The following TNS3 variants were observed in gnomAD, a reference collection of about 807,000 sequenced individuals.
The protein encoded by TNS3 is tensin 3.
Under a neutral mutation model 140.9 loss-of-function variants are expected in TNS3, and 45 were observed. That is an observed-to-expected ratio of 0.32 (90% CI 0.25 to 0.41). The LOEUF (loss-of-function observed/expected upper bound fraction) is 0.41, where lower values mean the gene tolerates loss of function less well. TNS3 is among the 10% of genes least tolerant of loss of function. The pLI is 1.00. For synonymous variants in TNS3, 815 were observed against 788.4 expected (o/e 1.03, Z -0.56); for missense variants, 1,716 against 1,906.7 (o/e 0.90, Z 1.86).
intron 27 of TNS3, among the ~76,000 whole-genome samples, chr7:47,285,515 C>T (rs549427788): frequency 1.3e-5 from 2 of 152,294 alleles, no homozygotes; most frequent in Admixed American, 1.3e-4. Flanking sequence ...TGCCTTTGCT[C>T]TTCCTTTGCC....
intron 17 of TNS3, among the ~76,000 whole-genome samples, chr7:47,349,737 C>A (rs1789555283): frequency 6.6e-6 from 1 of 152,188 alleles, no homozygotes; most frequent in African/African-American, 2.4e-5. Flanking sequence ...CAGGAAAAAA[C>A]AGGACAAAAT....
intron 1 of TNS3, among the ~76,000 whole-genome samples, chr7:47,534,888 A>G (rs1370504326): frequency 6.6e-6 from 1 of 152,152 alleles, no homozygotes; most frequent in East Asian, 1.9e-4. Context: ...GAGATGCAAA[A>G]CCGAGATGCA....
chr7:47,439,045 C>T (rs1208460181), intron 6 of TNS3, among the ~76,000 whole-genome samples: 1 of 152,202 alleles, frequency 6.6e-6, no homozygotes, highest in Admixed American at 6.5e-5. Context: ...TTTTGAAAAT[C>T]AAGCTGTCTC....
Position 47,389,181 on chromosome 7 carries a change from A to C in TNS3, c.1024+7619T>G, listed in dbSNP as rs71537779. Among the ~76,000 whole-genome samples the C allele has an allele frequency of 8.9e-5, 12 of 134,396 alleles. 2 individuals carry two copies. The highest frequency in any genetic ancestry group is 2.6e-4 in the South Asian group (1 of 3,842). The allele number at this position is 134,396 out of a possible 152,430, so 88.2% of individuals were successfully genotyped here. On this transcript the variant is annotated intron_variant, in intron 16 of 30. Transcript: ENST00000311160. ...GCAGAAGAAGCAGCAGAAGCAGAAG[A>C]AGCAGAAGAAGAAGAAGAAGAAGAA...
At chr7:47,525,937 C>A (rs1237722852) in intron 2 of TNS3, among the ~76,000 whole-genome samples, 4 of 152,194 alleles carry the variant, frequency 2.6e-5, no homozygotes, top group Admixed American at 2.6e-4. Context: ...CTTCCCTGGC[C>A]CTTCTGAGTG....
chr7:47,541,381 CAG>C (rs1370531949), intron 1 of TNS3, among the ~76,000 whole-genome samples: 1 of 152,132 alleles, frequency 6.6e-6, no homozygotes, highest in African/African-American at 2.4e-5. Context: ...CACACACACA[CAG>C]AGATACTCCC....
At chr7:47,408,790 T>C (rs143916289) in intron 13 of TNS3, among the ~76,000 whole-genome samples, 5 of 152,194 alleles carry the variant, frequency 3.3e-5, no homozygotes, top group South Asian at 2.1e-4. Context: ...CCTTTGTGGG[T>C]GCCTCAAGCC....
chr7:47,545,195 T>C (rs1361077810), intron 1 of TNS3, among the ~76,000 whole-genome samples: 1 of 143,044 alleles, frequency 7.0e-6, no homozygotes, highest in Non-Finnish European at 1.5e-5. Flanking sequence ...TGGAGTGCAG[T>C]GTGGCACAAT....
intron 20 of TNS3, 68 bp from the exon 21 acceptor site, chr7:47,305,071 C>T: frequency 3.3e-6 from 4 of 1,225,078 alleles, no homozygotes; most frequent in Non-Finnish European, 4.2e-6. Context: ...ATCTCTGCTG[C>T]TTTTGCATGT....
intron 11 of TNS3, among the ~76,000 whole-genome samples, chr7:47,414,452 G>A (rs1793962576): frequency 6.6e-6 from 1 of 152,138 alleles, no homozygotes; most frequent in Admixed American, 6.5e-5. Context: ...ACAGGGCCCT[G>A]ACCCTCAGCC....
chr7:47,506,072 C>T (rs1049340051), intron 3 of TNS3, among the ~76,000 whole-genome samples: 5 of 152,204 alleles, frequency 3.3e-5, no homozygotes, highest in Non-Finnish European at 7.3e-5. Flanking sequence ...TCTAAAACTC[C>T]TCTTCCCTGG....
intron 3 of TNS3, among the ~76,000 whole-genome samples, chr7:47,491,267 T>C (rs990339031): frequency 6.6e-6 from 1 of 152,180 alleles, no homozygotes; most frequent in African/African-American, 2.4e-5. Flanking sequence ...TTAAACCATA[T>C]ATATACTGTT....
intron 1 of TNS3, among the ~76,000 whole-genome samples, chr7:47,534,177 GGGA>G (rs781649586): frequency 1.5e-3 from 229 of 152,220 alleles, no homozygotes; most frequent in Middle Eastern, 3.4e-3. Flanking sequence ...AGGAGGCTGA[GGGA>G]GGAGAATCCC....
At chr7:47,469,266 C>T (rs1394379480) in intron 4 of TNS3, among the ~76,000 whole-genome samples, 1 of 152,176 alleles carries the variant, frequency 6.6e-6, no homozygotes, top group Non-Finnish European at 1.5e-5. Flanking sequence ...AGAACTTCTG[C>T]TTAACAAAAG....
intron 16 of TNS3, among the ~76,000 whole-genome samples, chr7:47,396,408 A>G (rs1481977090): frequency 6.6e-6 from 1 of 152,248 alleles, no homozygotes; most frequent in East Asian, 1.9e-4. Context: ...TGTCTGTTGC[A>G]TGTGGGGCCG....
At chr7:47,330,819 C>T (rs368026409) in intron 20 of TNS3, among the ~76,000 whole-genome samples, 4 of 152,204 alleles carry the variant, frequency 2.6e-5, no homozygotes, top group South Asian at 2.1e-4. Flanking sequence ...ATAGGGGGCA[C>T]GTCCTTCCTG....
intron 1 of TNS3, among the ~76,000 whole-genome samples, chr7:47,571,271 AAC>A: frequency 6.6e-6 from 1 of 152,338 alleles, no homozygotes; most frequent in Admixed American, 6.5e-5. Flanking sequence ...CCGTGCTATC[AAC>A]ACAGTTTTCA....
At chr7:47,539,175 ACTCTCTGGG>A in intron 1 of TNS3, 2 of 455,406 alleles carry the variant, frequency 4.4e-6, no homozygotes. Flanking sequence ...CAGGATTCAT[ACTCTCTGGG>A]GTCCACCCAG....
At chr7:47,513,953 C>G (rs1798695304) in intron 2 of TNS3, among the ~76,000 whole-genome samples, 1 of 152,246 alleles carries the variant, frequency 6.6e-6, no homozygotes, top group East Asian at 1.9e-4. Flanking sequence ...TTGCAAACGC[C>G]CAACATTTTT....
Sources: gnomAD v4.1 joint callset for allele counts (sites outside exome capture counted in the v4.1 genomes callset) on GRCh38, gnomAD v4.1.1 for gene constraint, MANE v1.5 for transcripts, NCBI Gene and HGNC (gene_info 2026-07-23, HGNC 2026-07-21) for gene names.